The following VNN1 variants were observed in gnomAD, a reference collection of about 807,000 sequenced individuals.
VNN1 encodes the protein vanin 1, also known as pantetheinase.
In VNN1, 29 loss-of-function variants were observed where a neutral mutation model predicts 41.9. That is an observed-to-expected ratio of 0.69 (90% CI 0.52 to 0.94). The LOEUF (loss-of-function observed/expected upper bound fraction) is 0.94, where lower values mean the gene tolerates loss of function less well. VNN1 is among the 40% of genes least tolerant of loss of function. The pLI, the probability that VNN1 is intolerant of heterozygous loss-of-function variation, is 0.00. For synonymous variants in VNN1, 233 were observed against 224.4 expected, an observed-to-expected ratio of 1.04 and a Z score of -0.34; for missense variants, 637 against 621.1, an observed-to-expected ratio of 1.03 and a Z score of -0.27.
intron 2 of VNN1, among the ~76,000 whole-genome samples, chr6:132,698,227 G>T (rs1240178746): frequency 2.0e-5 from 3 of 152,186 alleles, no homozygotes; most frequent in Non-Finnish European, 4.4e-5. Context: ...AGGTGAAAGA[G>T]AATAATTGAA....
chr6:132,705,112 A>G (rs946587311), intron 2 of VNN1, among the ~76,000 whole-genome samples: 1 of 152,156 alleles, frequency 6.6e-6, no homozygotes, highest in African/African-American at 2.4e-5. Flanking sequence ...TTAAAGAACT[A>G]ATACAAATCC....
intron 2 of VNN1, among the ~76,000 whole-genome samples, chr6:132,704,210 G>A (rs985768659): frequency 4.6e-5 from 7 of 151,886 alleles, no homozygotes; most frequent in African/African-American, 1.7e-4. Flanking sequence ...GACCAAGTGG[G>A]CTTAATAGAT....
At chr6:132,707,236 A>AAAAT (rs1205294896) in intron 2 of VNN1, among the ~76,000 whole-genome samples, 1 of 151,728 alleles carries the variant, frequency 6.6e-6, no homozygotes, top group Non-Finnish European at 1.5e-5. Context: ...CAAAAAAAAA[A>AAAAT]AAAAGCAAAT....
intron 5 of VNN1, among the ~76,000 whole-genome samples, chr6:132,685,142 A>G (rs1305285299): frequency 6.6e-6 from 1 of 152,228 alleles, no homozygotes; most frequent in Non-Finnish European, 1.5e-5. Flanking sequence ...GTAATCTGGA[A>G]AAGTCATATC....
At chr6:132,709,424 C>T (rs960948002) in intron 2 of VNN1, among the ~76,000 whole-genome samples, 5 of 152,120 alleles carry the variant, frequency 3.3e-5, no homozygotes, top group Admixed American at 2.6e-4. Context: ...GTAATCCCAG[C>T]ACTTTGGGAG....
Position 132,699,845 on chromosome 6 carries a change from A to G in VNN1, c.342-5663T>C, listed in dbSNP as rs183821781. Among the ~76,000 whole-genome samples, 22 of 152,372 alleles carry G rather than the reference A, an allele frequency of 1.4e-4. 1 individual carries two copies. The highest frequency in any genetic ancestry group is 1.0e-3 in the Admixed American group (16 of 15,302). ...TAATATTTGAAGGCATTTACTACAC[A>G]GAAAATATAACACCTCAATAGTAAG... On this transcript the variant is annotated intron_variant, in intron 2 of 6. Coordinates refer to ENST00000367928, the MANE Select transcript of VNN1 (RefSeq NM_004666.3).
Position 132,684,398 on chromosome 6 carries a change from T to C in VNN1, c.1296A>G (p.Gly432=), listed in dbSNP as rs200328725. ...ACACCTCAGGAAAGACATACTGGGT[T>C]CCGAAAGTGCCACTGAGGGAGAACA... The part of the protein sequence containing the change: ...FEMFSLSGTF[G]TQYVFPEVLL... The change falls in exon 6 of 7, where the codon GGA becomes GGG. Residue 432 remains glycine (G), a synonymous_variant. Transcript: ENST00000367928. The C allele has an allele frequency of 1.4e-4, 223 of 1,614,060 alleles. No homozygotes were observed. The highest frequency in any genetic ancestry group is 1.6e-4 in the Non-Finnish European group (190 of 1,179,940).
intron 5 of VNN1, among the ~76,000 whole-genome samples, chr6:132,686,009 A>T (rs555595174): frequency 6.6e-6 from 1 of 152,108 alleles, no homozygotes; most frequent in East Asian, 1.9e-4. Context: ...GTCAGCAAGG[A>T]TTTATCTTTC....
At chr6:132,699,489 A>T (rs1778420948) in intron 2 of VNN1, 1 of 162,560 alleles carries the variant, frequency 6.2e-6, no homozygotes, top group South Asian at 1.6e-4. Context: ...TAAATGGTAG[A>T]GATGTGACCT....
At chr6:132,693,383 G>A (rs1582770780) in intron 3 of VNN1, 68 bp from the exon 4 acceptor site, 2 of 1,432,424 alleles carry the variant, frequency 1.4e-6, no homozygotes, top group Non-Finnish European at 1.9e-6. Flanking sequence ...CACAGTGTGG[G>A]AAAAAGTACA....
intron 2 of VNN1, among the ~76,000 whole-genome samples, chr6:132,697,921 C>T (rs1372246446): frequency 6.6e-6 from 1 of 152,126 alleles, no homozygotes. Flanking sequence ...TTTGGATCAC[C>T]TTAAGTGGTG....
intron 2 of VNN1, among the ~76,000 whole-genome samples, chr6:132,711,020 C>T (rs1174981436): frequency 2.0e-5 from 3 of 152,224 alleles, no homozygotes; most frequent in African/African-American, 7.2e-5. Flanking sequence ...TCTCCACATC[C>T]TCTCCAGCAT....
rs1459731389 is a variant in VNN1 at position 132,689,773 on chromosome 6, T to C, written c.1188+2450A>G. Among the ~76,000 whole-genome samples, 3 of 152,220 alleles carry C rather than the reference T, an allele frequency of 2.0e-5. No individual in the cohort carries two copies. The East Asian group carries it at 5.8e-4, about 29-fold the overall frequency. ...TTGCTGATTTTTGAAACAATATTTC[T>C]AATTCTAGTATCTCCCTTAAGCATC... On this transcript the variant is annotated intron_variant, in intron 5 of 6. Transcript: ENST00000367928.
chr6:132,698,121 T>A (rs1308314331), intron 2 of VNN1, among the ~76,000 whole-genome samples: 5 of 152,184 alleles, frequency 3.3e-5, no homozygotes, highest in African/African-American at 1.2e-4. Flanking sequence ...AAAAATTCAG[T>A]TTGCTTATGG....
intron 5 of VNN1, among the ~76,000 whole-genome samples, chr6:132,689,270 AAC>A (rs58998291): frequency 2.0e-5 from 3 of 151,434 alleles, no homozygotes; most frequent in Admixed American, 6.6e-5. Flanking sequence ...TTTGTTGAGA[AAC>A]ACACACACAC....
chr6:132,713,750 G>T, intron 1 of VNN1, 76 bp downstream of exon 1: 1 of 1,491,828 alleles, frequency 6.7e-7, no homozygotes, highest in South Asian at 1.2e-5. Flanking sequence ...AACTGACCCT[G>T]ACAGTGGCCC....
intron 3 of VNN1, among the ~76,000 whole-genome samples, chr6:132,693,624 CTTTG>C (rs1778324569): frequency 6.6e-6 from 1 of 152,166 alleles, no homozygotes. Context: ...TGGCAAGGAA[CTTTG>C]TTTGTTCCAT....
chr6:132,709,125 C>T (rs1356989243), intron 2 of VNN1, among the ~76,000 whole-genome samples: 2 of 152,146 alleles, frequency 1.3e-5, no homozygotes, highest in Non-Finnish European at 2.9e-5. Flanking sequence ...TTTTCCATAA[C>T]ATTTACTTCC....
At chr6:132,711,631 C>T (rs865817896) in intron 2 of VNN1, 78 bp downstream of exon 2, 2 of 1,515,358 alleles carry the variant, frequency 1.3e-6, no homozygotes, top group South Asian at 2.5e-5. Flanking sequence ...TGGATCTATG[C>T]AATGATCATC....
Sources: allele counts gnomAD v4.1 joint callset (sites outside exome capture counted in the v4.1 genomes callset), GRCh38; gene constraint gnomAD v4.1.1; transcripts MANE v1.5; gene names NCBI Gene and HGNC (gene_info 2026-07-23, HGNC 2026-07-21).